Variants in DOCK4 observed in about 807,000 individuals in gnomAD.
The protein encoded by DOCK4 is dedicator of cytokinesis protein 4.
A neutral mutation model predicts 268.1 loss-of-function variants in DOCK4; 97 were observed. The observed-to-expected ratio is 0.36, with a 90% confidence interval of 0.31 to 0.43. The LOEUF (loss-of-function observed/expected upper bound fraction) is 0.43. Ranked by LOEUF, DOCK4 falls within the 20% of genes least tolerant of loss-of-function variation. DOCK4 has a pLI of 1.00. For missense variants in DOCK4, 2,145 were observed against 2,455.7 expected, an observed-to-expected ratio of 0.87 and a Z score of 2.67; for synonymous variants, 954 against 887.2, an observed-to-expected ratio of 1.08 and a Z score of -1.34.
intron 45 of DOCK4, 79 bp downstream of exon 45, chr7:111,741,934 A>AT: frequency 6.7e-7 from 1 of 1,497,022 alleles, no homozygotes; most frequent in Non-Finnish European, 8.9e-7. Flanking sequence ...AGATGTCACT[A>AT]TTGGATACAT....
intron 30 of DOCK4, among the ~76,000 whole-genome samples, chr7:111,802,724 T>G (rs1800394010): frequency 6.6e-6 from 1 of 152,182 alleles, no homozygotes; most frequent in Admixed American, 6.5e-5. Flanking sequence ...TACAATCAAA[T>G]TTTCTTCAAA....
intron 8 of DOCK4, among the ~76,000 whole-genome samples, chr7:111,954,366 G>A (rs968303309): frequency 1.3e-5 from 2 of 152,064 alleles, no homozygotes; most frequent in African/African-American, 2.4e-5. Flanking sequence ...GCTGGACTAC[G>A]GGGCTTTGGT....
chr7:111,797,747 A>G (rs919495183), intron 30 of DOCK4, among the ~76,000 whole-genome samples: 2 of 152,194 alleles, frequency 1.3e-5, no homozygotes, highest in African/African-American at 2.4e-5. Flanking sequence ...TAATTACTCT[A>G]AACTGTCTAT....
At chr7:111,756,336 G>A (rs141228586) in intron 41 of DOCK4, among the ~76,000 whole-genome samples, 2,471 of 152,206 alleles carry the variant, frequency 0.016, 27 homozygotes, top group Middle Eastern at 0.041. Flanking sequence ...GCGACAGGGC[G>A]AGACTCCTTC....
At chr7:111,823,552 G>T (rs571807538) in intron 26 of DOCK4, among the ~76,000 whole-genome samples, 1 of 152,100 alleles carries the variant, frequency 6.6e-6, no homozygotes, top group South Asian at 2.1e-4. Flanking sequence ...GGTCAAATGC[G>T]CTATAGCATA....
intron 13 of DOCK4, among the ~76,000 whole-genome samples, chr7:111,909,013 C>A (rs1248096335): frequency 6.6e-6 from 1 of 152,098 alleles, no homozygotes; most frequent in East Asian, 1.9e-4. Context: ...TATTTATAAT[C>A]CCTTGGGTAT....
intron 25 of DOCK4, among the ~76,000 whole-genome samples, chr7:111,841,408 G>A (rs560474105): frequency 3.9e-5 from 6 of 151,942 alleles, no homozygotes; most frequent in Admixed American, 6.6e-5. Flanking sequence ...CAATACGCCC[G>A]CCTTGGCCTC....
intron 49 of DOCK4, among the ~76,000 whole-genome samples, chr7:111,738,509 C>A (rs1795666265): frequency 6.6e-6 from 1 of 152,198 alleles, no homozygotes; most frequent in South Asian, 2.1e-4. Context: ...ACAGGGCATG[C>A]AAACACAGGC....
At chr7:111,783,065 C>T in intron 34 of DOCK4, 141 bp from the exon 35 acceptor site, 1 of 722,862 alleles carries the variant, frequency 1.4e-6, no homozygotes, top group Non-Finnish European at 2.3e-6. Context: ...AGGCAATTTG[C>T]ATTGCAAGCG....
chr7:111,942,483 A>T (rs1043445324), intron 10 of DOCK4, among the ~76,000 whole-genome samples: 3 of 152,256 alleles, frequency 2.0e-5, no homozygotes, highest in Admixed American at 1.3e-4. Context: ...TCTCCATTTT[A>T]AAGTTTAACT....
chr7:112,194,127 C>T (rs1264726374), intron 1 of DOCK4, among the ~76,000 whole-genome samples: 3 of 152,152 alleles, frequency 2.0e-5, no homozygotes, highest in Admixed American at 6.5e-5. Flanking sequence ...CAGTTTATAG[C>T]ACCCATAAAT....
At chr7:111,918,581 T>G (rs1705973547) in intron 12 of DOCK4, among the ~76,000 whole-genome samples, 1 of 152,180 alleles carries the variant, frequency 6.6e-6, no homozygotes, top group African/African-American at 2.4e-5. Context: ...TTATGATCCA[T>G]CTGTCCCAGC....
At chr7:112,028,550 ATAACT>A (rs1489342217) in intron 1 of DOCK4, among the ~76,000 whole-genome samples, 1 of 152,246 alleles carries the variant, frequency 6.6e-6, no homozygotes, top group Non-Finnish European at 1.5e-5. Flanking sequence ...TTGTCGAATA[ATAACT>A]TAAAACAATC....
chr7:112,168,303 T>A (rs1242296851), intron 1 of DOCK4, among the ~76,000 whole-genome samples: 2 of 152,230 alleles, frequency 1.3e-5, no homozygotes, highest in Non-Finnish European at 2.9e-5. Context: ...AGATCCATCA[T>A]ACCTATTCTG....
In DOCK4 at chr7:111,765,207, A is replaced by G; in HGVS notation, c.3931T>C (p.Leu1311=). 6.4e-7 allele frequency: 1 copy of G among 1,552,032 alleles called. No homozygotes were observed. The highest frequency in any genetic ancestry group is 1.3e-5 in the South Asian group (1 of 79,960). ...TGCTGGTCCATAATTTTGTCATACA[A>G]AGAGGCTTCCATCATCTAGAAAGCA... ...LSKMRMMEAS[L]YDKIMDQQRL... Residue 1311 remains leucine, a synonymous_variant, in exon 39 of 53, where the codon TTG becomes CTG. Transcript: ENST00000428084.
intron 30 of DOCK4, among the ~76,000 whole-genome samples, chr7:111,800,983 C>G (rs1022384775): frequency 6.6e-6 from 1 of 152,072 alleles, no homozygotes; most frequent in Non-Finnish European, 1.5e-5. Flanking sequence ...AGCAACCGCC[C>G]GAAACATTTC....
chr7:111,938,353 G>A (rs1794907406), intron 11 of DOCK4, among the ~76,000 whole-genome samples: 1 of 152,216 alleles, frequency 6.6e-6, no homozygotes. Flanking sequence ...CCCATAGGCA[G>A]TGGGCCACTT....
chr7:111,993,678 A>G (rs980977930), intron 5 of DOCK4, among the ~76,000 whole-genome samples: 3 of 152,216 alleles, frequency 2.0e-5, no homozygotes, highest in Non-Finnish European at 4.4e-5. Context: ...CAAAACACAG[A>G]TCCTTTTTCC....
At chr7:111,883,235 C>A (rs1343440163) in intron 16 of DOCK4, among the ~76,000 whole-genome samples, 1 of 152,198 alleles carries the variant, frequency 6.6e-6, no homozygotes, top group East Asian at 1.9e-4. Context: ...CTGACCCCCT[C>A]CCCTCAATCT....
Sources: allele counts gnomAD v4.1 joint callset (sites outside exome capture counted in the v4.1 genomes callset), GRCh38; gene constraint gnomAD v4.1.1; transcripts MANE v1.5; gene names NCBI Gene and HGNC (gene_info 2026-07-23, HGNC 2026-07-21).